Variants in RAPH1 observed in about 807,000 individuals in gnomAD.
The protein encoded by RAPH1 is ras-associated and pleckstrin homology domains-containing protein 1.
A neutral mutation model predicts 88.1 loss-of-function variants in RAPH1; 18 were observed. That is an observed-to-expected ratio of 0.20 (90% confidence interval 0.14 to 0.30). RAPH1 has a LOEUF of 0.30. Ranked by LOEUF, RAPH1 falls within the 10% of genes least tolerant of loss-of-function variation. The probability of loss-of-function intolerance (pLI) is 1.00; values close to 1 mark genes in which losing one functional copy is unlikely to be tolerated. For missense variants in RAPH1, 1,448 were observed against 1,543.2 expected (o/e 0.94, Z 1.03); for synonymous variants, 587 against 559.0 (o/e 1.05, Z -0.71).
chr2:203,533,625 C>T (rs903867656), intron 1 of RAPH1, among the ~76,000 whole-genome samples: 5 of 151,906 alleles, frequency 3.3e-5, no homozygotes, highest in African/African-American at 4.8e-5. Flanking sequence ...TCCATGCATT[C>T]CTCCCTCAAT....
At chr2:203,493,405 G>A (rs527311231) in intron 2 of RAPH1, among the ~76,000 whole-genome samples, 1 of 152,194 alleles carries the variant, frequency 6.6e-6, no homozygotes, top group Non-Finnish European at 1.5e-5. Context: ...AAACCACATG[G>A]TCAAGAACAC....
At chr2:203,520,331 C>A (rs377135775) in intron 1 of RAPH1, among the ~76,000 whole-genome samples, 4 of 144,190 alleles carry the variant, frequency 2.8e-5, no homozygotes, top group Admixed American at 7.0e-5. Context: ...GCCCCTGCCT[C>A]AAAAAAAAAA....
chr2:203,475,394 G>A lies in RAPH1; in HGVS notation c.733-13469C>T, dbSNP rs547267020. On this transcript the variant is annotated intron_variant, in intron 4 of 13. Coordinates refer to ENST00000319170, the MANE Select transcript of RAPH1 (RefSeq NM_213589.3). Reference sequence around the variant, plus strand: ...TGCACTCCAGCCTGGGTGACAGAGCGAGACTCCGTCTCAAAAAAAAAGAAA... The same window carrying A: ...TGCACTCCAGCCTGGGTGACAGAGCAAGACTCCGTCTCAAAAAAAAAGAAA... 4.6e-5 allele frequency among the ~76,000 whole-genome samples: 7 copies of A among 151,824 alleles called. No homozygotes were observed. In the South Asian group the frequency reaches 8.3e-4, roughly 18 times the overall value.
At chr2:203,479,008 A>G (rs569278292) in intron 4 of RAPH1, among the ~76,000 whole-genome samples, 1 of 152,344 alleles carries the variant, frequency 6.6e-6, no homozygotes, top group Admixed American at 6.5e-5. Flanking sequence ...CTATACTGCC[A>G]ATAACCCTGT....
chr2:203,487,645 A>G (rs1688033346), intron 4 of RAPH1, among the ~76,000 whole-genome samples: 1 of 152,194 alleles, frequency 6.6e-6, no homozygotes, highest in East Asian at 1.9e-4. Flanking sequence ...TCGGCCTCCC[A>G]AAGTGTTGGG....
At position 203,438,509 on chromosome 2, in the gene RAPH1, G is replaced by T; in HGVS notation, c.*928C>A. 4.3e-6 allele frequency: 1 copy of T among 232,552 alleles called. No individual in the cohort carries two copies. The highest frequency in any genetic ancestry group is 5.6e-5 in the South Asian group (1 of 17,780). The allele number at this position is 232,552 out of a possible 1,614,324, so 14.4% of individuals were successfully genotyped here. A position where few individuals can be genotyped will look rare whatever the true frequency, so the allele number is the denominator to read the frequency against. On this transcript the variant is annotated 3_prime_UTR_variant, in exon 14 of 14. Coordinates refer to ENST00000319170, the MANE Select transcript of RAPH1 (RefSeq NM_213589.3). ...GTAACTGGTGACCCAAAGACATACTGGGACAGAACATTACAGAGATAACTG... is the reference window on the plus strand; with the variant it reads ...GTAACTGGTGACCCAAAGACATACTTGGACAGAACATTACAGAGATAACTG...
intron 10 of RAPH1, 104 bp downstream of exon 10, chr2:203,454,326 G>T: frequency 2.6e-6 from 2 of 755,770 alleles, no homozygotes; most frequent in South Asian, 2.1e-5. Context: ...TGAGAATAAA[G>T]CAAAAACAGT....
chr2:203,435,447 AC>A lies in RAPH1; in HGVS notation c.*3989del, dbSNP rs2098497747. The stretch of plus-strand genomic sequence containing the variant: ...GCATTTCTCTTTGGATCAAATCTCA[AC>A]TTTGTGAGAGGTCATACATTTCTAC... On this transcript the variant is annotated 3_prime_UTR_variant, in exon 14 of 14. Coordinates refer to ENST00000319170, the MANE Select transcript of RAPH1 (RefSeq NM_213589.3). 6.6e-6 allele frequency: 1 copy of A among 151,930 alleles called. No homozygotes were observed. The highest frequency in any genetic ancestry group is 1.5e-5 in the Non-Finnish European group (1 of 68,010). 9.4% of individuals were successfully genotyped at this position (151,930 alleles called of 1,614,324 possible). A position where few individuals can be genotyped will look rare whatever the true frequency, so the allele number is the denominator to read the frequency against.
chr2:203,438,344 G>T lies in RAPH1; in HGVS notation c.*1093C>A. 1 of 337,546 alleles carries T rather than the reference G, an allele frequency of 3.0e-6. No homozygotes were observed. The highest frequency in any genetic ancestry group is 8.3e-5 in the East Asian group (1 of 12,086). 20.9% of individuals were successfully genotyped at this position (337,546 alleles called of 1,614,324 possible). A position where few individuals can be genotyped will look rare whatever the true frequency, so the allele number is the denominator to read the frequency against. On this transcript the variant is annotated 3_prime_UTR_variant, in exon 14 of 14. Transcript: ENST00000319170. ...TCTCATCACCCTTCCCTTCTATAGA[G>T]CAATGCTCAAAAAATGCATTTTAGA...
intron 4 of RAPH1, 33 bp downstream of exon 4, chr2:203,489,551 C>A: frequency 7.1e-7 from 1 of 1,403,432 alleles, no homozygotes; most frequent in Non-Finnish European, 9.4e-7. Flanking sequence ...ATTTTAATAA[C>A]AAAATACCAG....
Position 203,439,922 on chromosome 2 carries a change from G to C in RAPH1, c.3268C>G (p.Pro1090Ala), listed in dbSNP as rs1480541174. The change falls in exon 14 of 14, where the codon CCA becomes GCA. Residue 1090 changes from proline to alanine, a missense_variant. Pro to Ala is a conservative substitution (Grantham distance 27, BLOSUM62 -1). Coordinates refer to ENST00000319170, the MANE Select transcript of RAPH1 (RefSeq NM_213589.3). ...TELPLPPIEIPAVFSGNTSPK... is the reference protein window; with the variant it reads ...TELPLPPIEIAAVFSGNTSPK... ...GAGGTGTTTCCCGAGAAAACTGCTG[G>C]AATCTCAATGGGGGGCAGAGGAAGC... 30 of 1,613,988 alleles carry C rather than the reference G, an allele frequency of 1.9e-5. No individual in the cohort carries two copies. The highest frequency in any genetic ancestry group is 2.5e-5 in the Non-Finnish European group (30 of 1,180,018).
At chr2:203,507,218 ATAAAATATACACAG>A (rs1689132331) in intron 1 of RAPH1, among the ~76,000 whole-genome samples, 1 of 151,986 alleles carries the variant, frequency 6.6e-6, no homozygotes, top group South Asian at 2.1e-4. Flanking sequence ...ATTGAATTAA[ATAAAATATACACAG>A]TAAAGAAGAA....
intron 2 of RAPH1, among the ~76,000 whole-genome samples, chr2:203,491,762 T>A (rs1222952926): frequency 6.6e-6 from 1 of 152,166 alleles, no homozygotes; most frequent in Non-Finnish European, 1.5e-5. Flanking sequence ...CCCACCTCCA[T>A]CTCCCTAAGT....
At chr2:203,478,044 T>C (rs1310502980) in intron 4 of RAPH1, among the ~76,000 whole-genome samples, 1 of 151,940 alleles carries the variant, frequency 6.6e-6, no homozygotes, top group Non-Finnish European at 1.5e-5. Flanking sequence ...TTGTTTTTTT[T>C]TTTTTTGAGA....
rs774411225 is a variant in RAPH1, at chr2:203,444,808, C to T, written c.1776+60G>A. The T allele has an allele frequency of 8.6e-6, 13 of 1,514,482 alleles. No homozygotes were observed. In the Admixed American group the frequency reaches 1.6e-4, roughly 19 times the overall value. The allele number at this position is 1,514,482 out of a possible 1,614,324, so 93.8% of individuals were successfully genotyped here. A position where few individuals can be genotyped will look rare whatever the true frequency, so the allele number is the denominator to read the frequency against. On this transcript the variant is annotated intron_variant, in intron 13 of 13. Transcript: ENST00000319170. ...CCCCGATAAAGACATAAGAGAGCAA[C>T]AATTTAAACCCAAAAGAATACCACA...
At chr2:203,483,836 G>T (rs569614941) in intron 4 of RAPH1, among the ~76,000 whole-genome samples, 182 of 152,292 alleles carry the variant, frequency 1.2e-3, no homozygotes, top group Non-Finnish European at 2.2e-3. Context: ...CAGAACTCCA[G>T]GCTCTCCAGT....
At chr2:203,474,074 G>A (rs761148380) in intron 4 of RAPH1, among the ~76,000 whole-genome samples, 5 of 152,122 alleles carry the variant, frequency 3.3e-5, no homozygotes, top group African/African-American at 1.2e-4. Flanking sequence ...CCAAATTAGC[G>A]GCTTAATAAA....
chr2:203,461,769 T>C lies in RAPH1; in HGVS notation c.810+79A>G, dbSNP rs79888424. On this transcript the variant is annotated intron_variant, in intron 5 of 13. Coordinates refer to ENST00000319170, the MANE Select transcript of RAPH1 (RefSeq NM_213589.3). ...TATCTCTCCATATCTTAGAAGTACA[T>C]TACATAAACAAGGCAATTCTTCACA... 3.8e-3 allele frequency: 3,770 copies of C among 1,001,858 alleles called. 110 individuals are homozygous for C. In the African/African-American group the frequency reaches 0.057, roughly 15 times the overall value. 62.1% of individuals were successfully genotyped at this position (1,001,858 alleles called of 1,614,324 possible). A position where few individuals can be genotyped will look rare whatever the true frequency, so the allele number is the denominator to read the frequency against.
rs1020170632 is a variant in RAPH1 at position 203,474,269 on chromosome 2, A to G, written c.733-12344T>C. Among the ~76,000 whole-genome samples the G allele has an allele frequency of 2.6e-5, 4 of 152,322 alleles. 1 individual carries two copies. The South Asian group carries it at 6.2e-4, about 24-fold the overall frequency. On this transcript the variant is annotated intron_variant, in intron 4 of 13. Coordinates refer to ENST00000319170, the MANE Select transcript of RAPH1 (RefSeq NM_213589.3). ...GTTAAGGACATTCTGGGCTGCCACA[A>G]TGAAGAGGAGAGGGAGAGTTACTGG... is the stretch of plus-strand genomic sequence containing the variant.
Sources: allele counts gnomAD v4.1 joint callset (sites outside exome capture counted in the v4.1 genomes callset), GRCh38; gene constraint gnomAD v4.1.1; transcripts MANE v1.5; gene names NCBI Gene and HGNC (gene_info 2026-07-23, HGNC 2026-07-21).